Variants in CEP128 observed in about 807,000 individuals in gnomAD.
The protein encoded by CEP128 is centrosomal protein 128kDa.
Under a neutral mutation model 156.7 loss-of-function variants are expected in CEP128, and 132 were observed. That is an observed-to-expected ratio of 0.84 (90% CI 0.73 to 0.97). The LOEUF (loss-of-function observed/expected upper bound fraction) is 0.97. Ranked by LOEUF, CEP128 falls within the 50% of genes least tolerant of loss-of-function variation. The pLI is 0.00. For missense variants in CEP128, 1,252 were observed against 1,281.9 expected (o/e 0.98, Z 0.36); for synonymous variants, 469 against 448.9 (o/e 1.04, Z -0.57).
rs116838080 is a variant in CEP128, at chr14:80,540,049, C to A, written c.2881-9163G>T. ...ATCAAGACAATACATGCACCGTGCA[C>A]CGCTGAACATAGACCCTTATCAATG... is the stretch of plus-strand genomic sequence containing the variant. On this transcript the variant is annotated intron_variant, in intron 21 of 24. Coordinates refer to ENST00000555265, the MANE Select transcript of CEP128 (RefSeq NM_152446.5). 5.2e-3 allele frequency among the ~76,000 whole-genome samples: 787 copies of A among 152,284 alleles called. 6 individuals carry two copies. Among genetic ancestry groups the A allele is most frequent in the African/African-American group, 0.018 (753 of 41,572 alleles).
intron 16 of CEP128, among the ~76,000 whole-genome samples, chr14:80,774,894 A>G (rs1900709773): frequency 6.6e-6 from 1 of 152,186 alleles, no homozygotes; most frequent in Non-Finnish European, 1.5e-5. Flanking sequence ...ATGATTCAAC[A>G]TAGTCTGGTT....
chr14:80,512,620 T>A (rs918973713), intron 23 of CEP128, among the ~76,000 whole-genome samples: 1 of 151,998 alleles, frequency 6.6e-6, no homozygotes, highest in African/African-American at 2.4e-5. Flanking sequence ...CTTACTCCTG[T>A]CATTTTGTTA....
At position 80,941,623 on chromosome 14, in the gene CEP128, G is replaced by C. The variant is rs1245617167; in HGVS notation, c.-214C>G. 6.6e-6 allele frequency: 1 copy of C among 152,610 alleles called. No homozygotes were observed. Among genetic ancestry groups the C allele is most frequent in the Non-Finnish European group, 1.5e-5 (1 of 68,160 alleles). 9.5% of individuals were successfully genotyped at this position (152,610 alleles called of 1,614,324 possible). The stretch of plus-strand genomic sequence containing the variant: ...CCCAGCTCCTTAATGCCGGATCATC[G>C]CCTAGGCCCCACCCGGCTCCCGCGG... On this transcript the variant is annotated 5_prime_UTR_variant, in exon 1 of 25. Transcript: ENST00000555265.
downstream of CEP128, among the ~76,000 whole-genome samples, chr14:80,487,784 T>C (rs370883104): frequency 3.4e-3 from 519 of 152,112 alleles, 4 homozygotes; most frequent in African/African-American, 0.012. Context: ...CTACTGGGTA[T>C]ATAACGAAAT....
chr14:80,894,838 T>A lies in CEP128; in HGVS notation c.645+880A>T, dbSNP rs576953760. 2.0e-5 allele frequency among the ~76,000 whole-genome samples: 3 copies of A among 152,062 alleles called. No individual in the cohort carries two copies. In the East Asian group the frequency reaches 5.8e-4, roughly 29 times the overall value. The stretch of plus-strand genomic sequence containing the variant: ...TTTATCTCCTAGCACATTCAGCCAA[T>A]AAATTCAAACTCCAAAATGAACTCA... On this transcript the variant is annotated intron_variant, in intron 8 of 24. Coordinates refer to ENST00000555265, the MANE Select transcript of CEP128 (RefSeq NM_152446.5).
At chr14:80,500,647 C>T (rs1000086238) in intron 24 of CEP128, among the ~76,000 whole-genome samples, 1 of 152,120 alleles carries the variant, frequency 6.6e-6, no homozygotes, top group African/African-American at 2.4e-5. Context: ...TTCCACAATC[C>T]CACTCCCCAG....
intron 20 of CEP128, among the ~76,000 whole-genome samples, chr14:80,576,228 G>A (rs1442336697): frequency 6.6e-6 from 1 of 152,086 alleles, no homozygotes; most frequent in Non-Finnish European, 1.5e-5. Context: ...GAGGAAAAAT[G>A]GATTACCTTG....
intron 21 of CEP128, among the ~76,000 whole-genome samples, chr14:80,546,824 G>A (rs61981670): frequency 2.2e-4 from 34 of 152,138 alleles, no homozygotes; most frequent in Non-Finnish European, 3.5e-4. Context: ...AATAACAATG[G>A]ACAGGCTATT....
chr14:80,759,920 G>C (rs1387076154), intron 17 of CEP128, among the ~76,000 whole-genome samples: 1 of 151,504 alleles, frequency 6.6e-6, no homozygotes, highest in African/African-American at 2.4e-5. Context: ...GTGTGTGTGT[G>C]TGTGTGTGTG....
chr14:80,887,647 A>G (rs1888873915), intron 8 of CEP128, among the ~76,000 whole-genome samples: 1 of 152,206 alleles, frequency 6.6e-6, no homozygotes, highest in Non-Finnish European at 1.5e-5. Context: ...AGGGAAATTT[A>G]AAGTACTAAA....
chr14:80,904,435 T>G (rs1883766029), intron 6 of CEP128, among the ~76,000 whole-genome samples: 1 of 152,066 alleles, frequency 6.6e-6, no homozygotes, highest in Non-Finnish European at 1.5e-5. Flanking sequence ...GTATTGCACA[T>G]CAGGATGACC....
chr14:80,921,342 C>A (rs1321220935), intron 2 of CEP128, among the ~76,000 whole-genome samples: 1 of 152,032 alleles, frequency 6.6e-6, no homozygotes, highest in Non-Finnish European at 1.5e-5. Context: ...GGTGGTTTTA[C>A]AAGAAGAAGA....
At chr14:80,670,918 T>C (rs1414584120) in intron 19 of CEP128, among the ~76,000 whole-genome samples, 1 of 152,218 alleles carries the variant, frequency 6.6e-6, no homozygotes, top group Non-Finnish European at 1.5e-5. Flanking sequence ...ATTTTACACA[T>C]ACTTTGTATT....
At chr14:80,698,060 GTAT>G (rs1405194316) in intron 19 of CEP128, among the ~76,000 whole-genome samples, 7 of 151,788 alleles carry the variant, frequency 4.6e-5, no homozygotes, top group Non-Finnish European at 1.0e-4. Context: ...CTGTGACTTT[GTAT>G]TATATTAAAT....
At position 80,515,849 on chromosome 14, in the gene CEP128, G is replaced by A. The variant is rs577501087; in HGVS notation, c.3073-10829C>T. On this transcript the variant is annotated intron_variant, in intron 23 of 24. Transcript: ENST00000555265. ...CTGCGTCTTACCTAAGACCCATGGC[G>A]AGTACTGCCTGGGTACCACTTACGT... 3.9e-5 allele frequency among the ~76,000 whole-genome samples: 6 copies of A among 152,254 alleles called. No homozygotes were observed. In the East Asian group the frequency reaches 7.7e-4, roughly 20 times the overall value.
chr14:80,810,400 T>A lies in CEP128; in HGVS notation c.1210-17290A>T, dbSNP rs149282640. Among the ~76,000 whole-genome samples the A allele has an allele frequency of 2.8e-5, 4 of 143,492 alleles. No homozygotes were observed. The East Asian group carries it at 8.8e-4, about 31-fold the overall frequency. The allele number at this position is 143,492 out of a possible 152,430, so 94.1% of individuals were successfully genotyped here. A position where few individuals can be genotyped will look rare whatever the true frequency, so the allele number is the denominator to read the frequency against. ...TGAACAATTCGACAAGAAAAAAAACTCACATATCAATAATATACCTGAATG... is the reference window on the plus strand; with the variant it reads ...TGAACAATTCGACAAGAAAAAAAACACACATATCAATAATATACCTGAATG... On this transcript the variant is annotated intron_variant, in intron 13 of 24. Transcript: ENST00000555265.
At chr14:80,514,759 G>A in intron 23 of CEP128, 1 of 288,006 alleles carries the variant, frequency 3.5e-6, no homozygotes, top group Non-Finnish European at 7.3e-6. Flanking sequence ...ATATTTTCAT[G>A]GATGGTTCTG....
At chr14:80,572,838 G>A (rs1191009315) in intron 20 of CEP128, among the ~76,000 whole-genome samples, 1 of 152,196 alleles carries the variant, frequency 6.6e-6, no homozygotes, top group East Asian at 1.9e-4. Flanking sequence ...CAACTGTAAA[G>A]GGGATAGTGT....
chr14:80,811,106 A>G (rs1376884483), intron 13 of CEP128, among the ~76,000 whole-genome samples: 2 of 152,154 alleles, frequency 1.3e-5, no homozygotes, highest in East Asian at 3.9e-4. Flanking sequence ...CGTCCCTACA[A>G]AGGACATGAT....
Sources: gnomAD v4.1 joint callset for allele counts (sites outside exome capture counted in the v4.1 genomes callset) on GRCh38, gnomAD v4.1.1 for gene constraint, MANE v1.5 for transcripts, NCBI Gene and HGNC (gene_info 2026-07-23, HGNC 2026-07-21) for gene names.